The following CENPP variants were observed in gnomAD, a reference collection of about 807,000 sequenced individuals.
CENPP encodes the protein centromere protein P.
Under a neutral mutation model 35.6 loss-of-function variants are expected in CENPP, and 24 were observed. That is an observed-to-expected ratio of 0.67 (90% confidence interval 0.49 to 0.95). The LOEUF (loss-of-function observed/expected upper bound fraction) is 0.95, where lower values mean the gene tolerates loss of function less well. Among genes scored for constraint, CENPP ranks in the 40% least tolerant of loss-of-function variants. The pLI is 0.00. For synonymous variants in CENPP, 120 were observed against 125.5 expected, an observed-to-expected ratio of 0.96 and a Z score of 0.29; for missense variants, 332 against 345.3, an observed-to-expected ratio of 0.96 and a Z score of 0.31.
chr9:92,570,358 C>T (rs992234913), intron 5 of CENPP, among the ~76,000 whole-genome samples: 20 of 152,226 alleles, frequency 1.3e-4, no homozygotes, highest in Non-Finnish European at 2.2e-4. Context: ...GTCTTTAGTT[C>T]TGTTTATATG....
At chr9:92,414,310 ATTTC>A (rs1843525081) in intron 5 of CENPP, 1 of 192,226 alleles carries the variant, frequency 5.2e-6, no homozygotes, top group African/African-American at 2.3e-5. Flanking sequence ...CAAAGCAGTT[ATTTC>A]TTTGCAAATC....
At chr9:92,335,342 GTCTC>G (rs899454350) in intron 2 of CENPP, among the ~76,000 whole-genome samples, 3 of 152,104 alleles carry the variant, frequency 2.0e-5, no homozygotes, top group South Asian at 2.1e-4. Flanking sequence ...AGATTAGTAA[GTCTC>G]TCTCTGTCTG....
At chr9:92,459,688 C>A (rs1286423234) in intron 5 of CENPP, 3 of 1,613,014 alleles carry the variant, frequency 1.9e-6, no homozygotes. Flanking sequence ...TTATTGTTTT[C>A]CAAATGTATT....
chr9:92,500,638 C>A lies in CENPP; in HGVS notation c.565-110676C>A. On this transcript the variant is annotated intron_variant, in intron 5 of 7. Transcript: ENST00000375587. ...TTAGCACCATTTTTTTTTCCCTTAA[C>A]GTAAATCCCAGAGATCATGTCATGG... is the stretch of plus-strand genomic sequence containing the variant. 2.2e-6 allele frequency: 3 copies of A among 1,342,850 alleles called. No individual in the cohort carries two copies. In the South Asian group the frequency reaches 4.3e-5, roughly 19 times the overall value. The allele number at this position is 1,342,850 out of a possible 1,614,324, so 83.2% of individuals were successfully genotyped here.
intron 5 of CENPP, among the ~76,000 whole-genome samples, chr9:92,511,081 A>T (rs889490231): frequency 6.6e-6 from 1 of 151,372 alleles, no homozygotes; most frequent in Non-Finnish European, 1.5e-5. Flanking sequence ...ACAAACATAA[A>T]CCCCTTTTCT....
intron 5 of CENPP, among the ~76,000 whole-genome samples, chr9:92,579,104 TAG>T (rs1234063492): frequency 6.6e-6 from 1 of 150,878 alleles, no homozygotes; most frequent in Non-Finnish European, 1.5e-5. Flanking sequence ...AAAGATCAGA[TAG>T]TTGTAGATAT....
chr9:92,522,477 T>C (rs1848134634), intron 5 of CENPP: 2 of 1,200,106 alleles, frequency 1.7e-6, no homozygotes, highest in Admixed American at 3.2e-5. Flanking sequence ...ATTATCTTCA[T>C]GGAGATGTTC....
intron 4 of CENPP, among the ~76,000 whole-genome samples, chr9:92,352,187 T>C (rs1423923019): frequency 6.6e-6 from 1 of 150,630 alleles, no homozygotes; most frequent in Non-Finnish European, 1.5e-5. Flanking sequence ...CTGGCAAACA[T>C]GGAGAAACCC....
intron 5 of CENPP, among the ~76,000 whole-genome samples, chr9:92,585,548 T>C (rs1346216298): frequency 6.6e-6 from 1 of 152,214 alleles, no homozygotes; most frequent in African/African-American, 2.4e-5. Flanking sequence ...ACTGGTTGTA[T>C]GGCAAGCTTA....
chr9:92,556,872 G>A (rs1361308703), intron 5 of CENPP, among the ~76,000 whole-genome samples: 1 of 151,924 alleles, frequency 6.6e-6, no homozygotes, highest in Non-Finnish European at 1.5e-5. Context: ...TACTTTGTGG[G>A]TTTTTTTGTT....
chr9:92,498,877 A>G (rs1846509833), intron 5 of CENPP, among the ~76,000 whole-genome samples: 1 of 152,230 alleles, frequency 6.6e-6, no homozygotes, highest in Non-Finnish European at 1.5e-5. Context: ...ATATTCAATT[A>G]TGTTAAATTT....
chr9:92,429,615 T>C (rs1380391901), intron 5 of CENPP, among the ~76,000 whole-genome samples: 1 of 152,008 alleles, frequency 6.6e-6, no homozygotes, highest in Non-Finnish European at 1.5e-5. Flanking sequence ...GATGAAACCT[T>C]GTCTGTACTA....
rs41278689 is a variant in CENPP, at chr9:92,415,505, T to C, written c.564+35646T>C. ...GAAAGAAATAAATTAAAAATTAATC[T>C]TGTATTATAGTATAATCCATAGTTA... On this transcript the variant is annotated intron_variant, in intron 5 of 7. Coordinates refer to ENST00000375587, the MANE Select transcript of CENPP (RefSeq NM_001012267.3). 0.049 allele frequency: 66,303 copies of C among 1,351,368 alleles called. 1,949 individuals carry two copies. Among genetic ancestry groups the C allele is most frequent in the South Asian group, 0.086 (5,950 of 69,372 alleles). 83.7% of individuals were successfully genotyped at this position (1,351,368 alleles called of 1,614,324 possible). A position where few individuals can be genotyped will look rare whatever the true frequency, so the allele number is the denominator to read the frequency against.
chr9:92,555,214 A>ATTTTTTTT, intron 5 of CENPP, among the ~76,000 whole-genome samples: 1 of 63,464 alleles, frequency 1.6e-5, no homozygotes, highest in Non-Finnish European at 2.6e-5. Flanking sequence ...TTTTTTGGAA[A>ATTTTTTTT]TTTTTTTTTT....
chr9:92,605,845 A>G (rs1013127958), intron 5 of CENPP, among the ~76,000 whole-genome samples: 1 of 152,264 alleles, frequency 6.6e-6, no homozygotes, highest in Admixed American at 6.5e-5. Context: ...AGTACATTAA[A>G]GAAGTAAAAA....
chr9:92,350,452 G>A (rs1267780346), intron 4 of CENPP, among the ~76,000 whole-genome samples: 1 of 152,192 alleles, frequency 6.6e-6, no homozygotes, highest in Admixed American at 6.5e-5. Flanking sequence ...AAGGAATTGT[G>A]AATTTTTTAA....
intron 5 of CENPP, among the ~76,000 whole-genome samples, chr9:92,419,621 C>T (rs927746485): frequency 6.6e-6 from 1 of 152,154 alleles, no homozygotes; most frequent in African/African-American, 2.4e-5. Context: ...ATCTTGCCTG[C>T]TTATCCGCCT....
chr9:92,532,384 C>T (rs893685391), intron 5 of CENPP, among the ~76,000 whole-genome samples: 2 of 152,084 alleles, frequency 1.3e-5, no homozygotes, highest in Non-Finnish European at 2.9e-5. Flanking sequence ...TGTTATTCAT[C>T]ACATTTGGAA....
rs894913945 is a variant in CENPP, at chr9:92,357,790, C to T, written c.467+12003C>T. Among the ~76,000 whole-genome samples the T allele has an allele frequency of 5.9e-5, 9 of 152,080 alleles. No individual in the cohort carries two copies. In the East Asian group the frequency reaches 1.2e-3, roughly 20 times the overall value. ...GATTACAGGTGTGAGCCACCGCACC[C>T]GGCCACTATCTCCCTCACTTTTTAA... On this transcript the variant is annotated intron_variant, in intron 4 of 7. Transcript: ENST00000375587.
Sources: gnomAD v4.1 joint callset for allele counts (sites outside exome capture counted in the v4.1 genomes callset) on GRCh38, gnomAD v4.1.1 for gene constraint, MANE v1.5 for transcripts, NCBI Gene and HGNC (gene_info 2026-07-23, HGNC 2026-07-21) for gene names.